The following MALRD1 variants were observed in gnomAD, a reference collection of about 807,000 sequenced individuals.
The protein encoded by MALRD1 is MAM and LDL receptor class A domain containing 1.
MALRD1 carries 247 observed loss-of-function variants against 242.1 expected under a neutral mutation model. The ratio of observed to expected loss-of-function variants is 1.02; its 90% CI spans 0.92 to 1.13. The LOEUF (loss-of-function observed/expected upper bound fraction) is 1.13. Ranked by LOEUF, MALRD1 falls within the 50% of genes most tolerant of loss-of-function variation. MALRD1 has a pLI of 0.00. For synonymous variants in MALRD1, 995 were observed against 866.6 expected (o/e 1.15, Z -2.60); for missense variants, 2,989 against 2,533.1 (o/e 1.18, Z -3.86).
chr10:19,589,318 T>A (rs1837628633), intron 33 of MALRD1, among the ~76,000 whole-genome samples: 1 of 152,206 alleles, frequency 6.6e-6, no homozygotes, highest in Admixed American at 6.5e-5. Context: ...TATATATAGC[T>A]GTGACTCCAC....
At chr10:19,101,079 G>A (rs1836232384) in intron 4 of MALRD1, among the ~76,000 whole-genome samples, 1 of 151,612 alleles carries the variant, frequency 6.6e-6, no homozygotes, top group South Asian at 2.1e-4. Context: ...ACCAGGTGCT[G>A]TTTTACATGT....
At chr10:19,068,567 G>T (rs1461360503) in intron 2 of MALRD1, among the ~76,000 whole-genome samples, 2 of 152,078 alleles carry the variant, frequency 1.3e-5, no homozygotes, top group Non-Finnish European at 2.9e-5. Context: ...AATATTGCCT[G>T]CATAACTAAT....
Position 19,128,249 on chromosome 10 carries a change from T to A in MALRD1, c.972T>A (p.His324Gln), listed in dbSNP as rs922606793. 4 of 1,233,566 alleles carry A rather than the reference T, an allele frequency of 3.2e-6. No individual in the cohort carries two copies. In the East Asian group the frequency reaches 1.3e-4, roughly 39 times the overall value. The allele number at this position is 1,233,566 out of a possible 1,614,324, so 76.4% of individuals were successfully genotyped here. ...ATTATGTATGGGTAGGCGCTAAGCA[T>A]GGTTTCACTCTTAACCATTTAGACA... ...EGYYVWVGAK[H>Q]GFTLNHLDSR... Residue 324 changes from histidine (H) to glutamine (Q), a missense_variant, in exon 8 of 40, where the codon CAT (histidine) becomes CAA (glutamine). Physicochemically the swap from His to Gln is conservative, Grantham distance 24. Transcript: ENST00000454679.
intron 34 of MALRD1, among the ~76,000 whole-genome samples, chr10:19,607,111 C>T (rs973030089): frequency 6.6e-6 from 1 of 152,156 alleles, no homozygotes; most frequent in Non-Finnish European, 1.5e-5. Context: ...TGAGTATTAG[C>T]ATCTCTATGC....
chr10:19,580,622 T>G (rs1378341894), intron 33 of MALRD1, among the ~76,000 whole-genome samples: 1 of 152,116 alleles, frequency 6.6e-6, no homozygotes, highest in Non-Finnish European at 1.5e-5. Flanking sequence ...ATAAGTGCAT[T>G]TATGTTGTGT....
chr10:19,599,518 C>T (rs1166321300), intron 34 of MALRD1, among the ~76,000 whole-genome samples: 1 of 152,126 alleles, frequency 6.6e-6, no homozygotes, highest in Admixed American at 6.6e-5. Flanking sequence ...ACTAGAAACA[C>T]TCTTTTCACT....
At chr10:19,652,803 T>G (rs1271526636) in intron 36 of MALRD1, among the ~76,000 whole-genome samples, 1 of 152,200 alleles carries the variant, frequency 6.6e-6, no homozygotes, top group Non-Finnish European at 1.5e-5. Context: ...TTTACAGATT[T>G]AAATAACTTA....
intron 26 of MALRD1, among the ~76,000 whole-genome samples, chr10:19,373,311 G>T (rs967411047): frequency 2.0e-5 from 3 of 151,362 alleles, no homozygotes; most frequent in Non-Finnish European, 4.4e-5. Context: ...GACCAGCCTG[G>T]CCAACATGGT....
At chr10:19,555,475 C>A (rs943268004) in intron 32 of MALRD1, among the ~76,000 whole-genome samples, 6 of 152,004 alleles carry the variant, frequency 3.9e-5, no homozygotes, top group Non-Finnish European at 7.4e-5. Flanking sequence ...CATGCAAATA[C>A]AGGTGTCAGA....
At chr10:19,236,335 G>A (rs1437608140) in intron 18 of MALRD1, among the ~76,000 whole-genome samples, 1 of 152,162 alleles carries the variant, frequency 6.6e-6, no homozygotes, top group Non-Finnish European at 1.5e-5. Context: ...TCTCACTTAA[G>A]CAGGTGGGAT....
At chr10:19,495,023 T>A (rs567321557) in intron 30 of MALRD1, among the ~76,000 whole-genome samples, 22 of 151,430 alleles carry the variant, frequency 1.5e-4, no homozygotes, top group Non-Finnish European at 2.8e-4. Flanking sequence ...GTCACCCAGG[T>A]TGGAGTGAAG....
Position 19,652,217 on chromosome 10 carries a change from A to G in MALRD1, c.6137+36294A>G, listed in dbSNP as rs983529034. Reference sequence around the variant, plus strand: ...AAAAAGCAAGTGTCAGGTGTGTCCAATTTTATCATACAAGGTTGGTTTGTC... The same window carrying G: ...AAAAAGCAAGTGTCAGGTGTGTCCAGTTTTATCATACAAGGTTGGTTTGTC... On this transcript the variant is annotated intron_variant, in intron 36 of 39. Transcript: ENST00000454679. Among the ~76,000 whole-genome samples the G allele has an allele frequency of 2.0e-5, 3 of 152,168 alleles. No individual in the cohort carries two copies. In the South Asian group the frequency reaches 6.2e-4, roughly 32 times the overall value.
intron 29 of MALRD1, among the ~76,000 whole-genome samples, chr10:19,463,428 G>C (rs4748582): frequency 0.81 from 123,494 of 151,638 alleles, 50,479 homozygotes; most frequent in East Asian, 1. Context: ...TCCCACTTAC[G>C]AGTAAGAGCA....
chr10:19,543,250 ATT>A (rs1362972900), intron 32 of MALRD1, among the ~76,000 whole-genome samples: 26 of 149,948 alleles, frequency 1.7e-4, no homozygotes, highest in Non-Finnish European at 2.2e-4. Context: ...TGCCCAGCTG[ATT>A]TTTCGTTTTT....
At chr10:19,433,493 A>C (rs1026836732) in intron 28 of MALRD1, among the ~76,000 whole-genome samples, 2 of 152,182 alleles carry the variant, frequency 1.3e-5, no homozygotes, top group African/African-American at 4.8e-5. Flanking sequence ...TTAGTGTCAT[A>C]TTTTGGTATC....
chr10:19,728,526 G>T (rs1043507465), intron 38 of MALRD1: 1 of 152,018 alleles, frequency 6.6e-6, no homozygotes, highest in African/African-American at 2.4e-5. Flanking sequence ...TGCAACTGAC[G>T]GCCAAGCTGG....
At chr10:19,650,594 G>A (rs898643078) in intron 36 of MALRD1, among the ~76,000 whole-genome samples, 2 of 152,080 alleles carry the variant, frequency 1.3e-5, no homozygotes, top group Non-Finnish European at 2.9e-5. Flanking sequence ...CATAATAATA[G>A]CAAAATAATG....
intron 21 of MALRD1, among the ~76,000 whole-genome samples, chr10:19,322,350 T>A (rs1425369940): frequency 1.3e-5 from 2 of 152,154 alleles, no homozygotes; most frequent in African/African-American, 4.8e-5. Flanking sequence ...TAATTCTGCG[T>A]CTTAAAAATT....
chr10:19,515,623 G>A (rs537203528), intron 31 of MALRD1, among the ~76,000 whole-genome samples: 9 of 151,972 alleles, frequency 5.9e-5, no homozygotes, highest in African/African-American at 2.2e-4. Flanking sequence ...ACAGTGGCCC[G>A]ATCTTAGCTC....
Sources: gnomAD v4.1 joint callset for allele counts (sites outside exome capture counted in the v4.1 genomes callset) on GRCh38, gnomAD v4.1.1 for gene constraint, MANE v1.5 for transcripts, NCBI Gene and HGNC (gene_info 2026-07-23, HGNC 2026-07-21) for gene names.